CTNNA3: variants seen among roughly 807,000 people sequenced by gnomAD.
The protein encoded by CTNNA3 is catenin alpha-3.
CTNNA3 carries 76 observed loss-of-function variants against 95.7 expected under a neutral mutation model. The ratio of observed to expected loss-of-function variants is 0.79; its 90% CI spans 0.66 to 0.96. The LOEUF (loss-of-function observed/expected upper bound fraction) is 0.96, where lower values mean the gene tolerates loss of function less well. Ranked by LOEUF, CTNNA3 falls within the 40% of genes least tolerant of loss-of-function variation. CTNNA3 has a pLI of 0.00. For missense variants in CTNNA3, 1,191 were observed against 1,089.8 expected (o/e 1.09, Z -1.31); for synonymous variants, 431 against 374.4 (o/e 1.15, Z -1.74).
chr10:66,029,162 C>T (rs544819444), intron 15 of CTNNA3, among the ~76,000 whole-genome samples: 53 of 152,216 alleles, frequency 3.5e-4, no homozygotes, highest in African/African-American at 1.2e-3. Flanking sequence ...TGCATTCTTA[C>T]ATAGCTTCTA....
chr10:67,153,215 A>T (rs1443125408), intron 7 of CTNNA3, among the ~76,000 whole-genome samples: 1 of 152,150 alleles, frequency 6.6e-6, no homozygotes, highest in East Asian at 1.9e-4. Context: ...ATCTCAGGTG[A>T]TCCACCCACC....
chr10:67,213,514 C>G (rs183084449), intron 6 of CTNNA3, among the ~76,000 whole-genome samples: 1 of 151,770 alleles, frequency 6.6e-6, no homozygotes, highest in Admixed American at 6.6e-5. Flanking sequence ...GTTTCAAACT[C>G]CAAGTGGAAA....
At chr10:67,340,376 G>A (rs1344075846) in intron 5 of CTNNA3, among the ~76,000 whole-genome samples, 2 of 152,114 alleles carry the variant, frequency 1.3e-5, no homozygotes, top group Non-Finnish European at 2.9e-5. Flanking sequence ...AATTTATCTG[G>A]TCTTTCCTGA....
intron 7 of CTNNA3, among the ~76,000 whole-genome samples, chr10:67,042,103 C>G (rs1854430738): frequency 6.6e-6 from 1 of 152,078 alleles, no homozygotes; most frequent in Admixed American, 6.6e-5. Flanking sequence ...TTTTAATAAA[C>G]AGGAGAAAAC....
chr10:67,206,968 T>C (rs527562930), intron 6 of CTNNA3, among the ~76,000 whole-genome samples: 4 of 151,976 alleles, frequency 2.6e-5, no homozygotes, highest in Admixed American at 6.6e-5. Flanking sequence ...CCGTCTCTAC[T>C]AAAAATACGA....
At chr10:67,420,767 A>G (rs572858233) in intron 5 of CTNNA3, among the ~76,000 whole-genome samples, 1 of 152,062 alleles carries the variant, frequency 6.6e-6, no homozygotes, top group South Asian at 2.1e-4. Flanking sequence ...ATCTTTATTT[A>G]TTTTCTTAGA....
chr10:66,577,732 G>C (rs985385745), intron 10 of CTNNA3, among the ~76,000 whole-genome samples: 1 of 152,096 alleles, frequency 6.6e-6, no homozygotes, highest in Admixed American at 6.5e-5. Context: ...CAGCCTTGTA[G>C]TATAGTTTTA....
intron 9 of CTNNA3, among the ~76,000 whole-genome samples, chr10:66,651,614 G>A (rs2132414639): frequency 6.6e-6 from 1 of 151,984 alleles, no homozygotes; most frequent in South Asian, 2.1e-4. Flanking sequence ...GCCCTGCTGG[G>A]AGACGGCTGA....
chr10:66,327,099 A>G (rs936388109), intron 12 of CTNNA3, among the ~76,000 whole-genome samples: 7 of 152,132 alleles, frequency 4.6e-5, no homozygotes, highest in Non-Finnish European at 8.8e-5. Context: ...CAGGAACTTC[A>G]GCCACCTCTT....
chr10:67,106,746 G>C (rs1858655305), intron 7 of CTNNA3, among the ~76,000 whole-genome samples: 1 of 152,230 alleles, frequency 6.6e-6, no homozygotes, highest in East Asian at 1.9e-4. Context: ...CCACTGTATA[G>C]ACCCCAATGC....
At chr10:66,501,418 T>C (rs1840272891) in intron 11 of CTNNA3, among the ~76,000 whole-genome samples, 1 of 152,170 alleles carries the variant, frequency 6.6e-6, no homozygotes, top group Non-Finnish European at 1.5e-5. Flanking sequence ...TTTAACACAC[T>C]GTAATTATCA....
rs1554813759 is a variant in CTNNA3 at position 65,917,460 on chromosome 10, C to CATTT, written c.*2869_*2870insAAAT. 5 of 51,142 alleles carry CATTT rather than the reference C, an allele frequency of 9.8e-5. No homozygotes were observed. The highest frequency in any genetic ancestry group is 3.5e-4 in the African/African-American group (4 of 11,384). The allele number at this position is 51,142 out of a possible 1,614,324, so 3.2% of individuals were successfully genotyped here. ...AAGGCCATTTAGTGGATTATTATTT[C>CATTT]GTTTTTTTTTAAATTTTCATTCTAA... is the stretch of plus-strand genomic sequence containing the variant. On this transcript the variant is annotated 3_prime_UTR_variant, in exon 18 of 18. Transcript: ENST00000433211.
chr10:66,684,149 G>A (rs932471208), intron 9 of CTNNA3, among the ~76,000 whole-genome samples: 1 of 152,108 alleles, frequency 6.6e-6, no homozygotes, highest in East Asian at 1.9e-4. Context: ...TTGGGGAGGG[G>A]AAGGAGGATA....
At chr10:66,663,204 A>G (rs553759495) in intron 9 of CTNNA3, among the ~76,000 whole-genome samples, 2 of 152,178 alleles carry the variant, frequency 1.3e-5, no homozygotes, top group East Asian at 3.9e-4. Flanking sequence ...TTCTCCATCT[A>G]AAACCTCTAA....
chr10:65,929,254 T>C (rs910637120), intron 17 of CTNNA3, among the ~76,000 whole-genome samples: 4 of 152,184 alleles, frequency 2.6e-5, no homozygotes, highest in African/African-American at 9.6e-5. Flanking sequence ...ATGTGCCACA[T>C]TTTCTTAATC....
At chr10:67,646,551 T>C (rs1839719965) in intron 2 of CTNNA3, among the ~76,000 whole-genome samples, 1 of 152,062 alleles carries the variant, frequency 6.6e-6, no homozygotes, top group Non-Finnish European at 1.5e-5. Context: ...TAAAAATATA[T>C]ACAAAGTCTA....
intron 5 of CTNNA3, among the ~76,000 whole-genome samples, chr10:67,489,175 A>G (rs1184022049): frequency 6.6e-6 from 1 of 152,204 alleles, no homozygotes; most frequent in Non-Finnish European, 1.5e-5. Flanking sequence ...TGTATCTTTT[A>G]CAGATTTCCC....
intron 9 of CTNNA3, among the ~76,000 whole-genome samples, chr10:66,761,751 G>T (rs1157014346): frequency 2.6e-5 from 4 of 152,096 alleles, no homozygotes; most frequent in African/African-American, 9.7e-5. Flanking sequence ...ATATAGCAAA[G>T]GGCTTGAAAG....
intron 9 of CTNNA3, among the ~76,000 whole-genome samples, chr10:66,627,990 C>T (rs1844997727): frequency 6.6e-6 from 1 of 152,024 alleles, no homozygotes; most frequent in Admixed American, 6.6e-5. Flanking sequence ...TTCAGATGCC[C>T]AGGATCCATA....
Sources: gnomAD v4.1 joint callset for allele counts (sites outside exome capture counted in the v4.1 genomes callset) on GRCh38, gnomAD v4.1.1 for gene constraint, MANE v1.5 for transcripts, NCBI Gene and HGNC (gene_info 2026-07-23, HGNC 2026-07-21) for gene names.